Variants in PHACTR3 observed in about 807,000 individuals in gnomAD.
PHACTR3 encodes the protein phosphatase and actin regulator 3.
PHACTR3 carries 16 observed loss-of-function variants against 66.8 expected under a neutral mutation model. The ratio of observed to expected loss-of-function variants is 0.24; its 90% CI spans 0.16 to 0.36. The LOEUF is 0.36. PHACTR3 is among the 10% of genes least tolerant of loss of function. The pLI, the probability that PHACTR3 is intolerant of heterozygous loss-of-function variation, is 1.00. For synonymous variants in PHACTR3, 323 were observed against 292.1 expected (o/e 1.11, Z -1.08); for missense variants, 647 against 719.9 (o/e 0.90, Z 1.16).
chr20:59,675,236 C>A (rs572807718), intron 1 of PHACTR3, among the ~76,000 whole-genome samples: 5 of 150,794 alleles, frequency 3.3e-5, no homozygotes, highest in African/African-American at 1.2e-4. Flanking sequence ...TGTATTGAGG[C>A]TGTACCTTGT....
chr20:59,608,598 G>A lies in PHACTR3; in HGVS notation c.118+3466G>A, dbSNP rs554716408. The stretch of plus-strand genomic sequence containing the variant: ...GCACGATGGTGGCCTCCTTCTTGTC[G>A]GGTCCCAGGCTGCCTCCTGGGCCTT... On this transcript the variant is annotated intron_variant, in intron 1 of 12. Transcript: ENST00000371015. 3.9e-5 allele frequency among the ~76,000 whole-genome samples: 6 copies of A among 152,216 alleles called. No homozygotes were observed. The South Asian group carries it at 6.2e-4, about 16-fold the overall frequency.
intron 1 of PHACTR3, among the ~76,000 whole-genome samples, chr20:59,679,353 A>G (rs1375868802): frequency 6.6e-6 from 1 of 152,218 alleles, no homozygotes; most frequent in Non-Finnish European, 1.5e-5. Flanking sequence ...AAGTGCGTGT[A>G]CATGCACACA....
At chr20:59,757,637 T>C (rs1039001874) in intron 4 of PHACTR3, among the ~76,000 whole-genome samples, 1 of 152,110 alleles carries the variant, frequency 6.6e-6, no homozygotes, top group Non-Finnish European at 1.5e-5. Context: ...GGGGCTCTTG[T>C]CGGTGGAACT....
At chr20:59,616,771 C>T (rs1254964210) in intron 1 of PHACTR3, among the ~76,000 whole-genome samples, 1 of 152,182 alleles carries the variant, frequency 6.6e-6, no homozygotes, top group African/African-American at 2.4e-5. Context: ...TAGTTCTTTC[C>T]CCTAATCCTT....
At chr20:59,631,435 G>A (rs2034658898) in intron 1 of PHACTR3, among the ~76,000 whole-genome samples, 1 of 152,198 alleles carries the variant, frequency 6.6e-6, no homozygotes, top group Non-Finnish European at 1.5e-5. Context: ...GGACAGGGGA[G>A]GGAGGTTTGT....
At chr20:59,729,818 C>T (rs188926556) in intron 1 of PHACTR3, among the ~76,000 whole-genome samples, 2 of 152,322 alleles carry the variant, frequency 1.3e-5, no homozygotes, top group Non-Finnish European at 1.5e-5. Context: ...CTGATGACAT[C>T]AGAAATGCAG....
intron 1 of PHACTR3, among the ~76,000 whole-genome samples, chr20:59,659,397 A>T (rs2035737518): frequency 9.6e-6 from 1 of 104,044 alleles, no homozygotes. Context: ...TTTTTTTGAG[A>T]CAGTCTCGCT....
chr20:59,782,850 G>A (rs1476965696), intron 7 of PHACTR3, among the ~76,000 whole-genome samples: 2 of 152,130 alleles, frequency 1.3e-5, no homozygotes, highest in African/African-American at 2.4e-5. Flanking sequence ...AATGTGTGAC[G>A]CCAAGAATGT....
intron 8 of PHACTR3, among the ~76,000 whole-genome samples, chr20:59,828,048 G>GC (rs2042244683): frequency 6.6e-6 from 1 of 152,206 alleles, no homozygotes; most frequent in African/African-American, 2.4e-5. Context: ...ATGAAGACTG[G>GC]CCCCCCATTC....
intron 1 of PHACTR3, among the ~76,000 whole-genome samples, chr20:59,685,800 C>T (rs1354851632): frequency 6.6e-6 from 1 of 152,202 alleles, no homozygotes; most frequent in Non-Finnish European, 1.5e-5. Context: ...GGCTTCCCCG[C>T]CTCACATTCC....
intron 1 of PHACTR3, among the ~76,000 whole-genome samples, chr20:59,638,421 T>G (rs1350756012): frequency 6.7e-6 from 1 of 148,206 alleles, no homozygotes; most frequent in Non-Finnish European, 1.5e-5. Flanking sequence ...GGTGGATGAA[T>G]GGATGATGGA....
chr20:59,815,131 A>T (rs1204768493), intron 8 of PHACTR3, among the ~76,000 whole-genome samples: 1 of 152,172 alleles, frequency 6.6e-6, no homozygotes, highest in Non-Finnish European at 1.5e-5. Flanking sequence ...ACAGTCTTCA[A>T]GGAGCAAAGC....
intron 8 of PHACTR3, among the ~76,000 whole-genome samples, chr20:59,808,105 C>T (rs1296130815): frequency 6.6e-6 from 1 of 152,190 alleles, no homozygotes; most frequent in African/African-American, 2.4e-5. Context: ...TGGGGGCCTT[C>T]TTTTGGAAGG....
intron 1 of PHACTR3, among the ~76,000 whole-genome samples, chr20:59,645,752 A>T (rs993998962): frequency 6.6e-6 from 1 of 152,170 alleles, no homozygotes; most frequent in African/African-American, 2.4e-5. Flanking sequence ...TCATGTTTTA[A>T]TGAAAACAGA....
chr20:59,751,551 A>C (rs1384611353), intron 3 of PHACTR3, among the ~76,000 whole-genome samples: 1 of 151,800 alleles, frequency 6.6e-6, no homozygotes, highest in Non-Finnish European at 1.5e-5. Context: ...AGTGAGCCGG[A>C]CTCTGGGCAG....
At chr20:59,763,944 C>T (rs550507822) in intron 4 of PHACTR3, among the ~76,000 whole-genome samples, 29 of 152,268 alleles carry the variant, frequency 1.9e-4, no homozygotes, top group African/African-American at 6.7e-4. Flanking sequence ...GGTCATCTTT[C>T]ATAAGTTTAT....
chr20:59,682,287 C>A (rs938341698), intron 1 of PHACTR3, among the ~76,000 whole-genome samples: 3 of 152,172 alleles, frequency 2.0e-5, no homozygotes, highest in Non-Finnish European at 4.4e-5. Flanking sequence ...TTGCAGTGAG[C>A]CAAGATCATG....
intron 9 of PHACTR3, 97 bp downstream of exon 9, chr20:59,836,657 C>T (rs1174977116): frequency 3.8e-5 from 46 of 1,209,782 alleles, no homozygotes; most frequent in Admixed American, 1.2e-4. Flanking sequence ...TCTCTGCAAG[C>T]GGAATGCTCC....
intron 7 of PHACTR3, among the ~76,000 whole-genome samples, chr20:59,801,808 A>T (rs1016926650): frequency 2.6e-5 from 4 of 152,244 alleles, no homozygotes; most frequent in Non-Finnish European, 5.9e-5. Context: ...AATAATTAGG[A>T]TATGTTGTGA....
Sources: allele counts gnomAD v4.1 joint callset (sites outside exome capture counted in the v4.1 genomes callset), GRCh38; gene constraint gnomAD v4.1.1; transcripts MANE v1.5; gene names NCBI Gene and HGNC (gene_info 2026-07-23, HGNC 2026-07-21).